The following FMO5 variants were observed in gnomAD, a reference collection of about 807,000 sequenced individuals.
FMO5 encodes the protein flavin containing dimethylaniline monoxygenase 5.
In FMO5, 51 loss-of-function variants were observed where a neutral mutation model predicts 43.6. That is an observed-to-expected ratio of 1.17 (90% CI 0.93 to 1.48). FMO5 has a LOEUF of 1.48. FMO5 is among the 40% of genes most tolerant of loss of function. FMO5 has a pLI of 0.00. For synonymous variants in FMO5, 187 were observed against 216.5 expected, an observed-to-expected ratio of 0.86 and a Z score of 1.20; for missense variants, 644 against 643.0, an observed-to-expected ratio of 1.00 and a Z score of -0.02.
chr1:147,226,847 T>TTC (rs1287035902), upstream of FMO5, among the ~76,000 whole-genome samples: 1 of 151,858 alleles, frequency 6.6e-6, no homozygotes, highest in Non-Finnish European at 1.5e-5. Flanking sequence ...ACTTTTTTTT[T>TTC]TTTGAAACAG....
At chr1:147,184,745 T>C, downstream of FMO5, 1 of 1,235,586 alleles carries the variant, frequency 8.1e-7, no homozygotes, top group East Asian at 2.9e-5. This position sits in a 1 kb window ranked among gnomAD's most constrained non-coding sequence, Gnocchi z 4.4. Context: ...TTAATCTTGA[T>C]AACCTAGCCG....
At chr1:147,193,436 G>A (rs1232549676) in intron 7 of FMO5, among the ~76,000 whole-genome samples, 1 of 151,892 alleles carries the variant, frequency 6.6e-6, no homozygotes, top group Non-Finnish European at 1.5e-5. Context: ...TATCAATTTT[G>A]TTGATCCTTT....
intron 2 of FMO5, among the ~76,000 whole-genome samples, chr1:147,216,591 C>A (rs587704546): frequency 4.9e-4 from 74 of 152,226 alleles, no homozygotes; most frequent in African/African-American, 1.8e-3. Context: ...TATTCAGCAT[C>A]GCTTAGGAAG....
intron 5 of FMO5, chr1:147,211,109 CAT>C (rs1448516582): frequency 6.6e-6 from 1 of 152,166 alleles, no homozygotes; most frequent in Non-Finnish European, 1.5e-5. Context: ...GCTATGCAGA[CAT>C]AGTTTTCCTT....
intron 7 of FMO5, among the ~76,000 whole-genome samples, 154 bp from the exon 8 acceptor site, chr1:147,190,403 C>A (rs1001084897): frequency 1.3e-5 from 2 of 152,186 alleles, no homozygotes; most frequent in African/African-American, 4.8e-5. Context: ...CTTACCACCA[C>A]CACAATATAA....
rs782444225 is a variant in FMO5 at position 147,190,183 on chromosome 1, T to A, written c.1250A>T (p.Asp417Val). The A allele has an allele frequency of 6.2e-7, 1 of 1,606,396 alleles. No individual in the cohort carries two copies. The highest frequency in any genetic ancestry group is 1.3e-5 in the African/African-American group (1 of 74,634). The change falls in exon 8 of 9, where the codon GAC becomes GTC. Residue 417 changes from aspartate to valine, a missense_variant. Physicochemically the swap from Asp to Val is radical, Grantham distance 152. Coordinates refer to ENST00000254090, the MANE Select transcript of FMO5 (RefSeq NM_001461.4). ...AEISKAQEEI[D>V]KRYVESQRHT... The stretch of plus-strand genomic sequence containing the variant: ...TCCTGGGAGAGTTTCTTACCTTTTG[T>A]CAATTTCCTCTTGAGCTTTAGATAT...
At chr1:147,204,639 T>A (rs1659644074) in intron 6 of FMO5, 1 of 1,586,708 alleles carries the variant, frequency 6.3e-7, no homozygotes, top group South Asian at 1.1e-5. Context: ...TTGTGCCATC[T>A]CCAACTTCTT....
downstream of FMO5, among the ~76,000 whole-genome samples, chr1:147,185,361 A>C (rs1455012499): frequency 6.6e-6 from 1 of 152,166 alleles, no homozygotes; most frequent in African/African-American, 2.4e-5. Context: ...AAAAGAAATT[A>C]AAAGGAAGCA....
At chr1:147,215,416 A>G (rs1236798495) in intron 3 of FMO5, 2 of 199,448 alleles carry the variant, frequency 1.0e-5, no homozygotes, top group Non-Finnish European at 2.0e-5. Context: ...GTGGAACCAG[A>G]GAGTTTTAAA....
intron 4 of FMO5, 54 bp from the exon 5 acceptor site, chr1:147,212,589 T>TGA: frequency 6.6e-7 from 1 of 1,526,586 alleles, no homozygotes; most frequent in Non-Finnish European, 8.9e-7. Flanking sequence ...ATAGATATCA[T>TGA]TTGTCAAGTC....
Position 147,203,696 on chromosome 1 carries a change from C to G in FMO5, c.831-2192G>C. The G allele has an allele frequency of 2.7e-6, 4 of 1,499,530 alleles. No individual in the cohort carries two copies. The South Asian group carries it at 4.5e-5, about 17-fold the overall frequency. 92.9% of individuals were successfully genotyped at this position (1,499,530 alleles called of 1,614,324 possible). Reference sequence around the variant, plus strand: ...TTTGGCTAATTCAATTTCTGTTGCTCCACCTCTGGGTACAAGACGTTTATC... The same window carrying G: ...TTTGGCTAATTCAATTTCTGTTGCTGCACCTCTGGGTACAAGACGTTTATC... On this transcript the variant is annotated intron_variant, in intron 6 of 8. Transcript: ENST00000254090.
intron 6 of FMO5, among the ~76,000 whole-genome samples, chr1:147,205,589 C>T (rs1394355024): frequency 8.5e-5 from 13 of 152,118 alleles, no homozygotes; most frequent in African/African-American, 3.1e-4. Flanking sequence ...TGGAACAGAA[C>T]AGAGCCCTCA....
chr1:147,213,994 A>G (rs1297422305), intron 3 of FMO5, among the ~76,000 whole-genome samples: 1 of 152,174 alleles, frequency 6.6e-6, no homozygotes, highest in Non-Finnish European at 1.5e-5. Flanking sequence ...GCTCCCATAA[A>G]TACCCATTTT....
chr1:147,197,664 A>C (rs1352580937), intron 7 of FMO5, among the ~76,000 whole-genome samples: 9 of 152,092 alleles, frequency 5.9e-5, no homozygotes, highest in African/African-American at 2.2e-4. Flanking sequence ...TTCTGCCATG[A>C]TTGTAAGTTT....
chr1:147,200,577 T>A (rs370504538), intron 7 of FMO5, among the ~76,000 whole-genome samples: 1 of 92,904 alleles, frequency 1.1e-5, no homozygotes, highest in African/African-American at 4.2e-5. Flanking sequence ...TACTGACTCA[T>A]ATGAAACCTA....
At chr1:147,189,496 G>C (rs1243689851) in intron 8 of FMO5, among the ~76,000 whole-genome samples, 1 of 152,126 alleles carries the variant, frequency 6.6e-6, no homozygotes, top group East Asian at 1.9e-4. Context: ...ATCAGTTGAA[G>C]ATAACCACCT....
chr1:147,199,214 C>T (rs1658558596), intron 7 of FMO5, among the ~76,000 whole-genome samples: 1 of 150,990 alleles, frequency 6.6e-6, no homozygotes, highest in Non-Finnish European at 1.5e-5. Context: ...AGGAGGCAGG[C>T]TTTGTTGGGC....
chr1:147,226,338 G>A (rs1366215202), upstream of FMO5, among the ~76,000 whole-genome samples: 1 of 152,112 alleles, frequency 6.6e-6, no homozygotes, highest in Non-Finnish European at 1.5e-5. Flanking sequence ...ACTGAGCTGA[G>A]TGCTGGAGTA....
In FMO5 at chr1:147,213,395, C is replaced by T. The variant is rs1005361263; in HGVS notation, c.400G>A (p.Gly134Arg). The T allele has an allele frequency of 1.9e-6, 3 of 1,613,740 alleles. No individual in the cohort carries two copies. The highest frequency in any genetic ancestry group is 2.5e-6 in the Non-Finnish European group (3 of 1,179,832). ...GQWEVVTESEGKKEMNVFDGV... is the reference protein window; with the variant it reads ...GQWEVVTESERKKEMNVFDGV... ...TCAAAGACATTCATCTCCTTTTTCC[C>T]TTCAGATTCAGTGACCACTTCCCAT... is the stretch of plus-strand genomic sequence containing the variant. The change falls in exon 4 of 9, where the codon GGG (glycine) becomes AGG (arginine). Residue 134 changes from glycine to arginine, a missense_variant. Transcript: ENST00000254090.
Sources: gnomAD v4.1 joint callset for allele counts (sites outside exome capture counted in the v4.1 genomes callset) on GRCh38, gnomAD v4.1.1 for gene constraint, Gnocchi (gnomAD v3.1) non-coding constraint, MANE v1.5 for transcripts, NCBI Gene and HGNC (gene_info 2026-07-23, HGNC 2026-07-21) for gene names.